TSC2: variants seen among roughly 807,000 people sequenced by gnomAD.
The protein encoded by TSC2 is TSC complex subunit 2.
A neutral mutation model predicts 202.2 loss-of-function variants in TSC2; 29 were observed. The observed-to-expected ratio is 0.14, with a 90% confidence interval of 0.11 to 0.20. The LOEUF (loss-of-function observed/expected upper bound fraction) is 0.20. Among genes scored for constraint, TSC2 ranks in the 10% least tolerant of loss-of-function variants. The pLI is 1.00. For missense variants in TSC2, 2,429 were observed against 2,420.0 expected (o/e 1.00, Z -0.08); for synonymous variants, 1,349 against 1,044.0 (o/e 1.29, Z -5.63).
intron 2 of TSC2, among the ~76,000 whole-genome samples, chr16:2,049,917 C>A (rs1416598108): frequency 6.6e-6 from 1 of 151,590 alleles, no homozygotes; most frequent in Non-Finnish European, 1.5e-5. Flanking sequence ...ACATTCTCAA[C>A]TCCTCGGGAT....
chr16:2,060,679 T>C lies in TSC2; in HGVS notation c.985T>C (p.Cys329Arg), dbSNP rs2086518199. Reference protein sequence around the residue: ...VLPSFYQAMACPNEVVSYEIV... With the variant: ...VLPSFYQAMARPNEVVSYEIV... ...CGGGCTCGTGTTCCAGGCCATGGCATGTCCGAACGAGGTGGTGTCCTATGA... is the reference window on the plus strand; with the variant it reads ...CGGGCTCGTGTTCCAGGCCATGGCACGTCCGAACGAGGTGGTGTCCTATGA... Residue 329 changes from cysteine (C) to arginine (R), a missense_variant, in exon 11 of 42, where the codon TGT (cysteine) becomes CGT (arginine). Transcript: ENST00000219476. 1 of 1,613,932 alleles carries C rather than the reference T, an allele frequency of 6.2e-7. No individual in the cohort carries two copies. The highest frequency in any genetic ancestry group is 1.7e-5 in the Admixed American group (1 of 60,006).
At chr16:2,070,844 G>A (rs1054451436) in intron 17 of TSC2, among the ~76,000 whole-genome samples, 2 of 152,232 alleles carry the variant, frequency 1.3e-5, no homozygotes, top group Non-Finnish European at 2.9e-5. Context: ...GACTTCCGGG[G>A]CAGTGCATGG....
chr16:2,048,014 G>A lies in TSC2; in HGVS notation c.-81G>A. 6 of 1,467,612 alleles carry A rather than the reference G, an allele frequency of 4.1e-6. No homozygotes were observed. Among genetic ancestry groups the A allele is most frequent in the Non-Finnish European group, 5.4e-6 (6 of 1,114,236 alleles). 90.9% of individuals were successfully genotyped at this position (1,467,612 alleles called of 1,614,324 possible). On this transcript the variant is annotated 5_prime_UTR_variant, in exon 1 of 42. The change creates a new upstream start codon in the 5' untranslated region. Coordinates refer to ENST00000219476, the MANE Select transcript of TSC2 (RefSeq NM_000548.5). Reference sequence around the variant, plus strand: ...CCGGCGGCGTCCCGGGGCCAGGGGGGTGCGCCTTTCTCCGCGTCGGGGCGG... The same window carrying A: ...CCGGCGGCGTCCCGGGGCCAGGGGGATGCGCCTTTCTCCGCGTCGGGGCGG...
At chr16:2,082,830 A>G in intron 32 of TSC2, 1 of 479,594 alleles carries the variant, frequency 2.1e-6, no homozygotes, top group South Asian at 2.0e-5. Context: ...GCAGCTGTTT[A>G]GGGGGAAGCC....
intron 12 of TSC2, 36 bp downstream of exon 12, chr16:2,062,044 G>T (rs1336503368): frequency 1.2e-6 from 2 of 1,613,444 alleles, no homozygotes; most frequent in African/African-American, 2.7e-5. Flanking sequence ...TTTGGGCTTT[G>T]GCTGGTGGGG....
At chr16:2,053,782 C>A (rs775568296) in intron 4 of TSC2, 26 of 537,580 alleles carry the variant, frequency 4.8e-5, no homozygotes, top group South Asian at 4.0e-4. Flanking sequence ...GCCCTTGCAC[C>A]CTTTCGGGGC....
intron 12 of TSC2, 62 bp from the exon 13 acceptor site, chr16:2,062,435 C>A: frequency 9.4e-6 from 14 of 1,481,994 alleles, no homozygotes; most frequent in Non-Finnish European, 1.3e-5. Context: ...GACCAGCAGC[C>A]CAGTGTGGAG....
At chr16:2,052,974 G>C (rs1035851396) in intron 3 of TSC2, among the ~76,000 whole-genome samples, 4 of 152,214 alleles carry the variant, frequency 2.6e-5, no homozygotes, top group African/African-American at 9.6e-5. Context: ...GTGTGCACTT[G>C]TGGTTCTGAG....
intron 16 of TSC2, among the ~76,000 whole-genome samples, chr16:2,068,998 A>T (rs906754528): frequency 6.6e-6 from 1 of 151,762 alleles, no homozygotes; most frequent in Non-Finnish European, 1.5e-5. Flanking sequence ...AGGAGGAAGG[A>T]GAGGAGACAC....
At chr16:2,082,107 C>T (rs972782936) in intron 31 of TSC2, 44 of 590,386 alleles carry the variant, frequency 7.5e-5, no homozygotes, top group African/African-American at 7.4e-4. Flanking sequence ...CCCTCCCTGC[C>T]TGGGCCCAGG....
Position 2,071,810 on chromosome 16 carries a change from A to C in TSC2, c.1973A>C (p.Lys658Thr), listed in dbSNP as rs397515223. Reference protein sequence around the residue: ...YMEPERGSEKKTSGPLSPPTG... With the variant: ...YMEPERGSEKTTSGPLSPPTG... ...GAGCCAGAGAGAGGCTCTGAGAAGA[A>C]GACCAGCGGCCCCCTTTCTCCTCCC... Residue 658 changes from lysine to threonine, a missense_variant, in exon 19 of 42, where the codon AAG becomes ACG. Coordinates refer to ENST00000219476, the MANE Select transcript of TSC2 (RefSeq NM_000548.5). 1.9e-4 allele frequency: 310 copies of C among 1,604,130 alleles called. 1 individual carries two copies. The highest frequency in any genetic ancestry group is 2.6e-4 in the South Asian group (23 of 89,398).
intron 32 of TSC2, 158 bp from the exon 33 acceptor site, chr16:2,083,537 C>T (rs1453677150): frequency 1.5e-6 from 2 of 1,312,280 alleles, no homozygotes; most frequent in Non-Finnish European, 2.1e-6. Flanking sequence ...CCAGCGTCCT[C>T]CCTGCCCGCT....
chr16:2,080,086 CGGG>C, intron 29 of TSC2, 76 bp from the exon 30 acceptor site: 2 of 1,584,620 alleles, frequency 1.3e-6, no homozygotes, highest in Non-Finnish European at 8.6e-7. Flanking sequence ...TTGCCAGGCT[CGGG>C]GGGAGCATTC....
chr16:2,059,254 G>A (rs1244372468), intron 10 of TSC2, among the ~76,000 whole-genome samples: 1 of 151,312 alleles, frequency 6.6e-6, no homozygotes, highest in Non-Finnish European at 1.5e-5. Flanking sequence ...CTGACCTGAA[G>A]TGATCCACCC....
intron 32 of TSC2, chr16:2,082,817 G>A (rs1417529067): frequency 2.6e-5 from 13 of 504,852 alleles, no homozygotes; most frequent in South Asian, 6.1e-5. Context: ...ACTCTGATGG[G>A]TGGCAGCTGT....
rs1409032179 is a variant in TSC2 at position 2,088,038 on chromosome 16, G to C, written c.5069-10G>C. 6.2e-7 allele frequency: 1 copy of C among 1,612,884 alleles called. No homozygotes were observed. The highest frequency in any genetic ancestry group is 1.3e-5 in the African/African-American group (1 of 75,072). ...GCCCTGGGCCTGGCGTGACCACCAAGTCTCCCCAGACATGGAGGGCCTTGT... is the reference window on the plus strand; with the variant it reads ...GCCCTGGGCCTGGCGTGACCACCAACTCTCCCCAGACATGGAGGGCCTTGT... On this transcript the variant is annotated splice_polypyrimidine_tract_variant and intron_variant, in intron 39 of 41. Coordinates refer to ENST00000219476, the MANE Select transcript of TSC2 (RefSeq NM_000548.5).
intron 2 of TSC2, among the ~76,000 whole-genome samples, chr16:2,049,093 AT>A (rs201797810): frequency 4.7e-5 from 7 of 149,498 alleles, no homozygotes; most frequent in Admixed American, 6.7e-5. Context: ...TCTTTATTTT[AT>A]TTTTTTTTTG....
chr16:2,068,319 C>A (rs1157305674), intron 16 of TSC2, among the ~76,000 whole-genome samples: 1 of 152,148 alleles, frequency 6.6e-6, no homozygotes, highest in African/African-American at 2.4e-5. Flanking sequence ...GGATTACAGG[C>A]GTGAGCCATC....
intron 38 of TSC2, among the ~76,000 whole-genome samples, chr16:2,087,508 G>A (rs1024424005): frequency 9.9e-5 from 15 of 151,720 alleles, no homozygotes; most frequent in African/African-American, 1.5e-4. Flanking sequence ...GCACCTGGGC[G>A]GCTGAGGAGG....
Sources: gnomAD v4.1 joint callset for allele counts (sites outside exome capture counted in the v4.1 genomes callset) on GRCh38, gnomAD v4.1.1 for gene constraint, MANE v1.5 for transcripts, NCBI Gene and HGNC (gene_info 2026-07-23, HGNC 2026-07-21) for gene names.